The following MAN1A2 variants were observed in gnomAD, a reference collection of about 807,000 sequenced individuals.
MAN1A2 encodes mannosidase alpha class 1A member 2, also known as mannosyl-oligosaccharide 1,2-alpha-mannosidase IB.
Under a neutral mutation model 75.7 loss-of-function variants are expected in MAN1A2, and 26 were observed. The observed-to-expected ratio is 0.34, with a 90% CI of 0.25 to 0.48. The LOEUF is 0.48. Ranked by LOEUF, MAN1A2 falls within the 20% of genes least tolerant of loss-of-function variation. The pLI is 0.99. For missense variants in MAN1A2, 562 were observed against 775.5 expected (o/e 0.72, Z 3.27); for synonymous variants, 247 against 264.6 (o/e 0.93, Z 0.65).
At chr1:117,499,258 C>T (rs1357449369) in intron 10 of MAN1A2, 124 bp from the exon 11 acceptor site, 1 of 658,206 alleles carries the variant, frequency 1.5e-6, no homozygotes, top group Non-Finnish European at 2.4e-6. Flanking sequence ...TGAGTGCAAA[C>T]AGCAACAATA....
intron 3 of MAN1A2, among the ~76,000 whole-genome samples, chr1:117,412,152 T>C (rs765194313): frequency 2.0e-5 from 3 of 151,828 alleles, no homozygotes; most frequent in Non-Finnish European, 4.4e-5. Flanking sequence ...ACTTCTAGAA[T>C]ATGGTATTTT....
At chr1:117,422,458 A>C (rs1042891947) in intron 5 of MAN1A2, among the ~76,000 whole-genome samples, 1 of 152,102 alleles carries the variant, frequency 6.6e-6, no homozygotes, top group Admixed American at 6.6e-5. Context: ...ATAAATTTTT[A>C]TTTATCTTGG....
chr1:117,505,259 G>C (rs551934360), intron 12 of MAN1A2, among the ~76,000 whole-genome samples: 1 of 151,228 alleles, frequency 6.6e-6, no homozygotes, highest in East Asian at 2.0e-4. Flanking sequence ...TTGCAGACTG[G>C]CTTTCATAAT....
At chr1:117,461,998 G>T (rs1256526121) in intron 7 of MAN1A2, among the ~76,000 whole-genome samples, 1 of 152,112 alleles carries the variant, frequency 6.6e-6, no homozygotes, top group Non-Finnish European at 1.5e-5. Context: ...GGGACAAACA[G>T]ACTGACAAAC....
intron 3 of MAN1A2, among the ~76,000 whole-genome samples, chr1:117,411,477 G>T (rs893740056): frequency 1.3e-4 from 19 of 151,714 alleles, no homozygotes; most frequent in African/African-American, 4.1e-4. Flanking sequence ...AATTTCAGTA[G>T]AAAACACTTG....
At chr1:117,444,706 GTTCT>G (rs1649152055) in intron 6 of MAN1A2, among the ~76,000 whole-genome samples, 2 of 151,790 alleles carry the variant, frequency 1.3e-5, no homozygotes, top group East Asian at 1.9e-4. Context: ...TCTTGCTTGA[GTTCT>G]TTGTCTTTTT....
intron 6 of MAN1A2, among the ~76,000 whole-genome samples, chr1:117,459,825 G>A (rs1382613099): frequency 1.3e-5 from 2 of 152,148 alleles, no homozygotes; most frequent in African/African-American, 2.4e-5. Flanking sequence ...GTATATTTAT[G>A]TAATATATTA....
chr1:117,431,493 G>T (rs974569217), intron 5 of MAN1A2, among the ~76,000 whole-genome samples: 1 of 152,118 alleles, frequency 6.6e-6, no homozygotes, highest in East Asian at 1.9e-4. Flanking sequence ...AGTCCCGAAT[G>T]ACAGTATGAG....
intron 12 of MAN1A2, among the ~76,000 whole-genome samples, chr1:117,505,266 T>C (rs1004913253): frequency 6.6e-6 from 1 of 151,386 alleles, no homozygotes; most frequent in Non-Finnish European, 1.5e-5. Flanking sequence ...CTGGCTTTCA[T>C]AATTAATTCT....
intron 5 of MAN1A2, among the ~76,000 whole-genome samples, chr1:117,422,771 G>C (rs1215012833): frequency 6.6e-6 from 1 of 151,524 alleles, no homozygotes; most frequent in African/African-American, 2.4e-5. Flanking sequence ...TGTTTTTTTT[G>C]AATTATTAAA....
At chr1:117,393,946 G>A (rs140561959) in intron 1 of MAN1A2, among the ~76,000 whole-genome samples, 69 of 152,284 alleles carry the variant, frequency 4.5e-4, no homozygotes, top group Admixed American at 7.8e-4. Flanking sequence ...AATAGATAGG[G>A]AGGGAAGGAA....
intron 8 of MAN1A2, among the ~76,000 whole-genome samples, chr1:117,477,395 A>C (rs946122027): frequency 2.0e-5 from 3 of 152,086 alleles, no homozygotes; most frequent in African/African-American, 7.2e-5. Flanking sequence ...TCAATAAAAT[A>C]CTGGCAAACC....
chr1:117,445,169 G>T (rs1649172784), intron 6 of MAN1A2, among the ~76,000 whole-genome samples: 1 of 152,014 alleles, frequency 6.6e-6, no homozygotes, highest in African/African-American at 2.4e-5. Context: ...TAAATTACTT[G>T]TAAGATTTTC....
At chr1:117,407,503 T>C (rs1444094807) in intron 3 of MAN1A2, among the ~76,000 whole-genome samples, 4 of 152,178 alleles carry the variant, frequency 2.6e-5, no homozygotes, top group Non-Finnish European at 5.9e-5. Context: ...AATATGTAGG[T>C]GGATACTGAA....
intron 1 of MAN1A2, among the ~76,000 whole-genome samples, chr1:117,394,075 C>T (rs895800120): frequency 6.6e-6 from 1 of 150,594 alleles, no homozygotes; most frequent in African/African-American, 2.4e-5. Flanking sequence ...TGACAAAAGA[C>T]AGTGGGTTTC....
intron 6 of MAN1A2, among the ~76,000 whole-genome samples, chr1:117,444,433 T>C (rs748505361): frequency 6.6e-6 from 1 of 151,718 alleles, no homozygotes; most frequent in Non-Finnish European, 1.5e-5. Context: ...GATTTCTAGA[T>C]GTAGCGTTCC....
chr1:117,473,940 A>T (rs1396016110), intron 8 of MAN1A2, among the ~76,000 whole-genome samples: 2 of 152,046 alleles, frequency 1.3e-5, no homozygotes, highest in African/African-American at 4.8e-5. Flanking sequence ...TCTTCAGGAA[A>T]TAGGAAAGAA....
At chr1:117,507,410 A>G (rs1417424380) in intron 12 of MAN1A2, among the ~76,000 whole-genome samples, 1 of 151,734 alleles carries the variant, frequency 6.6e-6, no homozygotes, top group Non-Finnish European at 1.5e-5. Context: ...TAAGGTATCA[A>G]AAATCCACTT....
intron 12 of MAN1A2, among the ~76,000 whole-genome samples, chr1:117,517,340 AC>A (rs1651742521): frequency 6.6e-6 from 1 of 152,206 alleles, no homozygotes; most frequent in African/African-American, 2.4e-5. Flanking sequence ...TGAAAATAAA[AC>A]CAACTTAGAA....
Sources: gnomAD v4.1 joint callset for allele counts (sites outside exome capture counted in the v4.1 genomes callset) on GRCh38, gnomAD v4.1.1 for gene constraint, MANE v1.5 for transcripts, NCBI Gene and HGNC (gene_info 2026-07-23, HGNC 2026-07-21) for gene names.